Variants in FAM107B observed in about 807,000 individuals in gnomAD.
FAM107B encodes family with sequence similarity 107 member B, also known as protein FAM107B.
In FAM107B, 21 loss-of-function variants were observed where a neutral mutation model predicts 31.5. The ratio of observed to expected loss-of-function variants is 0.67; its 90% CI spans 0.47 to 0.96. The LOEUF is 0.96. Among genes scored for constraint, FAM107B ranks in the 40% least tolerant of loss-of-function variants. The pLI is 0.00. For missense variants in FAM107B, 452 were observed against 377.1 expected (o/e 1.20, Z -1.64); for synonymous variants, 157 against 141.5 (o/e 1.11, Z -0.78).
chr10:14,733,372 G>C (rs1308482684), intron 1 of FAM107B, among the ~76,000 whole-genome samples: 1 of 152,064 alleles, frequency 6.6e-6, no homozygotes, highest in Non-Finnish European at 1.5e-5. Flanking sequence ...AGATCACTGA[G>C]ATCTTTTGTT....
At chr10:14,575,155 T>C (rs1057188211) in intron 2 of FAM107B, among the ~76,000 whole-genome samples, 6 of 152,182 alleles carry the variant, frequency 3.9e-5, no homozygotes, top group African/African-American at 9.7e-5. Flanking sequence ...CTAGTTTAAG[T>C]AGCTTGTACT....
chr10:14,764,080 A>G (rs745731165), intron 1 of FAM107B, among the ~76,000 whole-genome samples: 2 of 152,250 alleles, frequency 1.3e-5, no homozygotes, highest in African/African-American at 4.8e-5. Context: ...CAGATGGGTG[A>G]GAGTGGTTTT....
intron 2 of FAM107B, among the ~76,000 whole-genome samples, chr10:14,624,663 C>T (rs1351901265): frequency 6.6e-6 from 1 of 152,092 alleles, no homozygotes; most frequent in Non-Finnish European, 1.5e-5. Flanking sequence ...GGGTCAACTC[C>T]CAAAGAACTT....
At chr10:14,601,338 C>T (rs1013465904) in intron 2 of FAM107B, among the ~76,000 whole-genome samples, 2 of 152,130 alleles carry the variant, frequency 1.3e-5, no homozygotes, top group African/African-American at 2.4e-5. Context: ...CTCTTCAGCA[C>T]GTTTCCTAAG....
chr10:14,585,839 C>A (rs1851806743), intron 2 of FAM107B, among the ~76,000 whole-genome samples: 1 of 152,106 alleles, frequency 6.6e-6, no homozygotes, highest in African/African-American at 2.4e-5. Context: ...GTAGGGTGAC[C>A]ATATTAATTG....
chr10:14,526,419 GC>G (rs1846238934), intron 3 of FAM107B, among the ~76,000 whole-genome samples: 2 of 152,178 alleles, frequency 1.3e-5, no homozygotes, highest in South Asian at 4.1e-4. Context: ...CAGGTGATCT[GC>G]CTGCCTCGGC....
chr10:14,607,810 G>A (rs575445131), intron 2 of FAM107B, among the ~76,000 whole-genome samples: 13 of 152,152 alleles, frequency 8.5e-5, no homozygotes, highest in African/African-American at 2.9e-4. Flanking sequence ...GGAACACTCC[G>A]CTGAATGGTT....
chr10:14,674,164 G>T (rs181152883), intron 1 of FAM107B, among the ~76,000 whole-genome samples: 1 of 152,234 alleles, frequency 6.6e-6, no homozygotes, highest in Admixed American at 6.5e-5. Flanking sequence ...AAAACATAGG[G>T]AAAACACTTC....
rs762939568 is a variant in FAM107B at position 14,524,717 on chromosome 10, GGT to G, written c.654-2700_654-2699del. Among the ~76,000 whole-genome samples, 269 of 152,082 alleles carry G rather than the reference GGT, an allele frequency of 1.8e-3. 1 individual carries two copies. The highest frequency in any genetic ancestry group is 2.6e-3 in the Non-Finnish European group (174 of 67,970). On this transcript the variant is annotated intron_variant, in intron 3 of 4. Transcript: ENST00000181796. ...TATAACACTACAGACAGAATTAAGG[GGT>G]TTAAATTTTAGGATTAAGAATTTAG...
chr10:14,658,585 T>A (rs1235939626), intron 2 of FAM107B, among the ~76,000 whole-genome samples: 1 of 152,216 alleles, frequency 6.6e-6, no homozygotes, highest in Non-Finnish European at 1.5e-5. Flanking sequence ...AGTTCCTACA[T>A]AGTCCAAGAA....
At chr10:14,741,660 A>G (rs1856439779) in intron 1 of FAM107B, among the ~76,000 whole-genome samples, 2 of 150,362 alleles carry the variant, frequency 1.3e-5, no homozygotes, top group South Asian at 4.2e-4. Context: ...TTCTTATGTT[A>G]CATGTGACAA....
intron 2 of FAM107B, among the ~76,000 whole-genome samples, chr10:14,532,861 G>A (rs916459492): frequency 1.2e-4 from 19 of 152,144 alleles, no homozygotes; most frequent in African/African-American, 3.9e-4. Flanking sequence ...CCTTGACCTC[G>A]TTATTACATT....
chr10:14,725,821 C>CTT (rs759788163), intron 1 of FAM107B, among the ~76,000 whole-genome samples: 13,319 of 94,112 alleles, frequency 0.14, 1,653 homozygotes, highest in African/African-American at 0.29. Flanking sequence ...CAGTCAAATC[C>CTT]TTTTTTTTTT....
chr10:14,735,816 C>G (rs905870596), intron 1 of FAM107B, among the ~76,000 whole-genome samples: 5 of 152,118 alleles, frequency 3.3e-5, no homozygotes, highest in African/African-American at 1.2e-4. Context: ...TACACTCCGT[C>G]TCTAGGAAAT....
chr10:14,538,535 T>G (rs1431142810), intron 2 of FAM107B, among the ~76,000 whole-genome samples: 1 of 152,166 alleles, frequency 6.6e-6, no homozygotes, highest in Admixed American at 6.5e-5. Context: ...ATGTTAGGTG[T>G]CAGGATAATG....
At chr10:14,554,452 T>A (rs1849527421) in intron 2 of FAM107B, among the ~76,000 whole-genome samples, 1 of 152,120 alleles carries the variant, frequency 6.6e-6, no homozygotes, top group South Asian at 2.1e-4. Flanking sequence ...AACCATTAGA[T>A]TAAACTTATT....
At chr10:14,703,234 A>G (rs1030547821) in intron 1 of FAM107B, among the ~76,000 whole-genome samples, 3 of 151,928 alleles carry the variant, frequency 2.0e-5, no homozygotes, top group African/African-American at 7.3e-5. Flanking sequence ...TTGATTTTTC[A>G]ATGAACCCTC....
At chr10:14,565,887 G>A (rs946719025) in intron 2 of FAM107B, among the ~76,000 whole-genome samples, 4 of 152,088 alleles carry the variant, frequency 2.6e-5, no homozygotes, top group Non-Finnish European at 5.9e-5. Context: ...GCTCCACAGT[G>A]GTAAATCCCA....
chr10:14,669,213 C>CA (rs1187325614), intron 1 of FAM107B, among the ~76,000 whole-genome samples: 2 of 151,536 alleles, frequency 1.3e-5, no homozygotes, highest in Non-Finnish European at 2.9e-5. Context: ...ACAAAAAATA[C>CA]AAAAAAATTA....
Sources: allele counts gnomAD v4.1 joint callset (sites outside exome capture counted in the v4.1 genomes callset), GRCh38; gene constraint gnomAD v4.1.1; transcripts MANE v1.5; gene names NCBI Gene and HGNC (gene_info 2026-07-23, HGNC 2026-07-21).